Variants in TRHR observed in about 807,000 individuals in gnomAD.
TRHR encodes the protein thyrotropin-releasing hormone receptor.
TRHR carries 14 observed loss-of-function variants against 28.0 expected under a neutral mutation model. That is an observed-to-expected ratio of 0.50 (90% CI 0.33 to 0.78). TRHR has a LOEUF of 0.78. TRHR is among the 30% of genes least tolerant of loss of function. The probability of loss-of-function intolerance (pLI) is 0.02; values close to 1 mark genes in which losing one functional copy is unlikely to be tolerated. For missense variants in TRHR, 438 were observed against 469.5 expected (o/e 0.93, Z 0.62); for synonymous variants, 176 against 171.9 (o/e 1.02, Z -0.18).
chr8:109,087,302 A>G, intron 1 of TRHR, 123 bp from the exon 2 acceptor site: 1 of 621,198 alleles, frequency 1.6e-6, no homozygotes, highest in Non-Finnish European at 2.8e-6. Context: ...TAAGAAGTAC[A>G]CATGAGCCCT....
intron 2 of TRHR, among the ~76,000 whole-genome samples, chr8:109,088,536 T>G (rs981540718): frequency 1.3e-5 from 2 of 152,182 alleles, no homozygotes; most frequent in African/African-American, 4.8e-5. Context: ...CAGGTGCTAT[T>G]AAGATACAAA....
chr8:109,094,580 T>C (rs3134115), intron 2 of TRHR, among the ~76,000 whole-genome samples: 91,626 of 151,666 alleles, frequency 0.6, 27,828 homozygotes, highest in South Asian at 0.73. Flanking sequence ...TTCTATTTTC[T>C]GATTCACATC....
At chr8:109,097,489 C>G (rs535991143) in intron 2 of TRHR, among the ~76,000 whole-genome samples, 1 of 152,110 alleles carries the variant, frequency 6.6e-6, no homozygotes, top group African/African-American at 2.4e-5. Flanking sequence ...TAAAAAGAAC[C>G]AATAATACTC....
At chr8:109,096,971 A>C (rs1329147579) in intron 2 of TRHR, among the ~76,000 whole-genome samples, 1 of 152,140 alleles carries the variant, frequency 6.6e-6, no homozygotes. Context: ...TCTTTTATTA[A>C]ATCTTTTTTG....
At position 109,121,399 on chromosome 8, in the gene TRHR, C is replaced by T. The variant is rs1469639344; in HGVS notation, c.*1944C>T. ...GAGATTTTTTCATTACAGAAAGGAC[C>T]TAATATCATTGAGCATCGACTATGT... On this transcript the variant is annotated 3_prime_UTR_variant, in exon 3 of 3. Coordinates refer to ENST00000518632, the MANE Select transcript of TRHR (RefSeq NM_003301.7). Among the ~76,000 whole-genome samples the T allele has an allele frequency of 1.3e-5, 2 of 151,522 alleles. No homozygotes were observed. The highest frequency in any genetic ancestry group is 3.0e-5 in the Non-Finnish European group (2 of 67,744).
intron 2 of TRHR, among the ~76,000 whole-genome samples, chr8:109,096,646 A>T (rs1811597465): frequency 6.6e-6 from 1 of 152,226 alleles, no homozygotes; most frequent in South Asian, 2.1e-4. Context: ...GTGGCTTAAA[A>T]TTGGTCATGG....
rs1812006075 is a variant in TRHR at position 109,121,480 on chromosome 8, A to C, written c.*2025A>C. On this transcript the variant is annotated 3_prime_UTR_variant, in exon 3 of 3. Transcript: ENST00000518632. ...ATTATCTTCATCACAATTTCACTACAGCTGTAATTTCTCTGATGATTAGAC... is the reference window on the plus strand; with the variant it reads ...ATTATCTTCATCACAATTTCACTACCGCTGTAATTTCTCTGATGATTAGAC... 6.6e-6 allele frequency among the ~76,000 whole-genome samples: 1 copy of C among 151,718 alleles called. No homozygotes were observed. Among genetic ancestry groups the C allele is most frequent in the Non-Finnish European group, 1.5e-5 (1 of 67,804 alleles).
At position 109,098,207 on chromosome 8, in the gene TRHR, G is replaced by T. The variant is rs145451597; in HGVS notation, c.789+9906G>T. On this transcript the variant is annotated intron_variant, in intron 2 of 2. Transcript: ENST00000518632. ...TGCAGTGGCTTGATCTCGGCTCACCGCAGCCTCAACTTCCTGGGCTCAAGC... is the reference window on the plus strand; with the variant it reads ...TGCAGTGGCTTGATCTCGGCTCACCTCAGCCTCAACTTCCTGGGCTCAAGC... Among the ~76,000 whole-genome samples the T allele has an allele frequency of 2.1e-3, 317 of 151,280 alleles. 1 individual carries two copies. The highest frequency in any genetic ancestry group is 7.3e-3 in the African/African-American group (301 of 41,208).
intron 2 of TRHR, among the ~76,000 whole-genome samples, chr8:109,116,410 C>T (rs372169783): frequency 5.3e-5 from 8 of 152,084 alleles, no homozygotes; most frequent in South Asian, 2.1e-4. Flanking sequence ...TGGTAGAGTT[C>T]GGCTGTGAAT....
At chr8:109,115,925 A>C (rs1165185968) in intron 2 of TRHR, among the ~76,000 whole-genome samples, 1 of 152,158 alleles carries the variant, frequency 6.6e-6, no homozygotes, top group Non-Finnish European at 1.5e-5. Context: ...CCCATTCAGT[A>C]TGATATTGGC....
intron 2 of TRHR, among the ~76,000 whole-genome samples, chr8:109,092,930 T>C (rs1485125474): frequency 6.6e-6 from 1 of 151,798 alleles, no homozygotes; most frequent in African/African-American, 2.4e-5. Flanking sequence ...TTTTCTTATG[T>C]TTTCACTGGA....
intron 2 of TRHR, among the ~76,000 whole-genome samples, chr8:109,102,334 A>G (rs1811689956): frequency 6.6e-6 from 1 of 152,128 alleles, no homozygotes; most frequent in Non-Finnish European, 1.5e-5. Flanking sequence ...ATGCACAAGC[A>G]AGACTTGATA....
In TRHR at chr8:109,087,641, C is replaced by T. The variant is rs1811455479; in HGVS notation, c.129C>T (p.Asn43=). Residue 43 remains asparagine, a synonymous_variant, in exon 2 of 3, where the codon AAC becomes AAT. Transcript: ENST00000518632. ...LIICGLGIVG[N]IMVVLVVMRT... is the part of the protein sequence containing the mutation. ...TTTGTGGCCTGGGCATTGTAGGCAA[C>T]ATCATGGTAGTCCTGGTTGTCATGA... The T allele has an allele frequency of 6.2e-7, 1 of 1,614,058 alleles. No individual in the cohort carries two copies. The highest frequency in any genetic ancestry group is 8.5e-7 in the Non-Finnish European group (1 of 1,179,956).
rs766327349 is a variant in TRHR at position 109,119,374 on chromosome 8, C to T, written c.1116C>T (p.Val372=). 17 of 1,612,414 alleles carry T rather than the reference C, an allele frequency of 1.1e-5. No individual in the cohort carries two copies. In the Middle Eastern group the frequency reaches 8.3e-4, roughly 78 times the overall value. ...GCACAGAGCTTGATGATATCACTGT[C>T]ACTGACACTTACCTGTCTGCCACAA... ...HFSTELDDIT[V]TDTYLSATKV... is the part of the protein sequence containing the mutation. The change falls in exon 3 of 3, where the codon GTC becomes GTT. Residue 372 remains valine (V), a synonymous_variant. Transcript: ENST00000518632.
chr8:109,110,260 C>T (rs1013264273), intron 2 of TRHR, among the ~76,000 whole-genome samples: 5 of 152,136 alleles, frequency 3.3e-5, no homozygotes, highest in African/African-American at 1.2e-4. Flanking sequence ...TGACTGTAAC[C>T]TATAATCCCA....
chr8:109,121,416 C>A lies in TRHR; in HGVS notation c.*1961C>A, dbSNP rs930916818. On this transcript the variant is annotated 3_prime_UTR_variant, in exon 3 of 3. Transcript: ENST00000518632. ...GAAAGGACCTAATATCATTGAGCAT[C>A]GACTATGTCTCAGGTATGCTGGTAG... Among the ~76,000 whole-genome samples the A allele has an allele frequency of 6.6e-6, 1 of 151,600 alleles. No individual in the cohort carries two copies. Among genetic ancestry groups the A allele is most frequent in the East Asian group, 1.9e-4 (1 of 5,160 alleles).
chr8:109,118,998 G>A, intron 2 of TRHR, 50 bp from the exon 3 acceptor site: 2 of 1,610,090 alleles, frequency 1.2e-6, no homozygotes, highest in Non-Finnish European at 1.7e-6. Context: ...AGGGGGTTTT[G>A]TTTTGTTTTC....
At chr8:109,091,602 T>C (rs1472341322) in intron 2 of TRHR, among the ~76,000 whole-genome samples, 1 of 152,200 alleles carries the variant, frequency 6.6e-6, no homozygotes, top group East Asian at 1.9e-4. Flanking sequence ...AAGAGAAACA[T>C]TTAAAAAGGA....
intron 2 of TRHR, among the ~76,000 whole-genome samples, chr8:109,115,248 T>C (rs1811902579): frequency 6.6e-6 from 1 of 152,174 alleles, no homozygotes; most frequent in Non-Finnish European, 1.5e-5. Context: ...TCAGGTAGCA[T>C]GATGCCTCCA....
Sources: allele counts gnomAD v4.1 joint callset (sites outside exome capture counted in the v4.1 genomes callset), GRCh38; gene constraint gnomAD v4.1.1; transcripts MANE v1.5; gene names NCBI Gene and HGNC (gene_info 2026-07-23, HGNC 2026-07-21).